The following TTBK2 variants were observed in gnomAD, a reference collection of about 807,000 sequenced individuals.
TTBK2 encodes tau tubulin kinase 2.
In TTBK2, 28 loss-of-function variants were observed where a neutral mutation model predicts 110.8. That is an observed-to-expected ratio of 0.25 (90% CI 0.19 to 0.35). TTBK2 has a LOEUF of 0.35. Ranked by LOEUF, TTBK2 falls within the 10% of genes least tolerant of loss-of-function variation. The pLI is 1.00. For synonymous variants in TTBK2, 532 were observed against 527.3 expected, an observed-to-expected ratio of 1.01 and a Z score of -0.12; for missense variants, 1,369 against 1,500.3, an observed-to-expected ratio of 0.91 and a Z score of 1.45.
At chr15:42,812,874 C>G (rs1891782645) in intron 7 of TTBK2, among the ~76,000 whole-genome samples, 1 of 149,788 alleles carries the variant, frequency 6.7e-6, no homozygotes, top group Non-Finnish European at 1.5e-5. Flanking sequence ...TAAAAGCTGA[C>G]CAAACACAGC....
intron 3 of TTBK2, among the ~76,000 whole-genome samples, chr15:42,841,591 C>T (rs991512962): frequency 2.6e-5 from 4 of 151,944 alleles, no homozygotes; most frequent in Admixed American, 1.3e-4. Context: ...TGAGAAGTAT[C>T]GAAAAGATTT....
chr15:42,797,658 TA>T (rs1891003111), intron 9 of TTBK2, among the ~76,000 whole-genome samples: 1 of 152,216 alleles, frequency 6.6e-6, no homozygotes, highest in South Asian at 2.1e-4. Flanking sequence ...CTTTTTTTGG[TA>T]ACTGAATGTG....
intron 7 of TTBK2, among the ~76,000 whole-genome samples, chr15:42,813,545 T>G (rs61682243): frequency 0.045 from 6,758 of 150,438 alleles, 432 homozygotes; most frequent in African/African-American, 0.13. Context: ...AAATAAAACT[T>G]TAAAAAGGAC....
intron 9 of TTBK2, among the ~76,000 whole-genome samples, chr15:42,807,072 A>T (rs1891500082): frequency 6.6e-6 from 1 of 152,172 alleles, no homozygotes; most frequent in South Asian, 2.1e-4. Context: ...GAGTCAGAGG[A>T]TCCTACAACT....
intron 12 of TTBK2, among the ~76,000 whole-genome samples, 198 bp from the exon 13 acceptor site, chr15:42,775,921 T>G (rs1219477791): frequency 6.6e-6 from 1 of 152,208 alleles, no homozygotes; most frequent in Non-Finnish European, 1.5e-5. Context: ...CTCAGTTCTT[T>G]CCTCAGCAAG....
At chr15:42,867,504 A>G (rs1175635787) in intron 3 of TTBK2, among the ~76,000 whole-genome samples, 1 of 152,136 alleles carries the variant, frequency 6.6e-6, no homozygotes, top group Non-Finnish European at 1.5e-5. Context: ...AAAACAAATA[A>G]CCTGATTTTA....
At chr15:42,823,034 T>C (rs994721769) in intron 6 of TTBK2, among the ~76,000 whole-genome samples, 16 of 152,256 alleles carry the variant, frequency 1.1e-4, no homozygotes, top group Middle Eastern at 6.8e-3. Context: ...ATACAACTAC[T>C]CCCAATGGAA....
chr15:42,898,911 T>C (rs1372450621), intron 1 of TTBK2, among the ~76,000 whole-genome samples: 6 of 152,340 alleles, frequency 3.9e-5, no homozygotes, highest in African/African-American at 7.2e-5. Context: ...TAACAACTTG[T>C]ATATAACCAT....
intron 12 of TTBK2, among the ~76,000 whole-genome samples, chr15:42,775,973 T>C (rs1270890373): frequency 1.3e-5 from 2 of 152,202 alleles, no homozygotes; most frequent in African/African-American, 4.8e-5. Flanking sequence ...AACTTTTTAT[T>C]GAACTGAGCT....
chr15:42,790,636 C>T (rs1039237186), intron 10 of TTBK2, among the ~76,000 whole-genome samples: 1 of 151,876 alleles, frequency 6.6e-6, no homozygotes, highest in Admixed American at 6.6e-5. Context: ...AGAAGTTTTG[C>T]CTTTTTGTTC....
At chr15:42,816,085 A>ATATAT (rs1567040790) in intron 7 of TTBK2, among the ~76,000 whole-genome samples, 1,382 of 67,308 alleles carry the variant, frequency 0.021, 48 homozygotes, top group African/African-American at 0.027. Context: ...TAAATAAATA[A>ATATAT]ATATATATAT....
chr15:42,788,340 G>C (rs1170025348), intron 10 of TTBK2, among the ~76,000 whole-genome samples: 2 of 151,968 alleles, frequency 1.3e-5, no homozygotes, highest in African/African-American at 4.8e-5. Context: ...ATGTTCCAGG[G>C]GCCCCTGGGC....
At chr15:42,884,546 G>A (rs576599892) in intron 1 of TTBK2, among the ~76,000 whole-genome samples, 32 of 152,144 alleles carry the variant, frequency 2.1e-4, no homozygotes, top group Non-Finnish European at 3.4e-4. Flanking sequence ...TTAATGAGGT[G>A]ACTTTAGGAA....
At chr15:42,852,133 G>A (rs1893744711) in intron 3 of TTBK2, among the ~76,000 whole-genome samples, 4 of 150,996 alleles carry the variant, frequency 2.6e-5, no homozygotes, top group South Asian at 2.1e-4. Context: ...GCAGTCACGC[G>A]ATCTCGGCTC....
chr15:42,899,462 C>T (rs955370987), intron 1 of TTBK2, among the ~76,000 whole-genome samples: 33 of 151,478 alleles, frequency 2.2e-4, no homozygotes, highest in African/African-American at 7.5e-4. Flanking sequence ...CAGGTGTGGC[C>T]GGGCACGGTG....
chr15:42,878,709 G>A (rs990397225), intron 1 of TTBK2, 25 bp from the exon 2 acceptor site: 2 of 1,605,568 alleles, frequency 1.2e-6, no homozygotes, highest in Non-Finnish European at 1.7e-6. Context: ...ACAAAAAATA[G>A]TAGCAGTATT....
chr15:42,816,871 A>AG (rs1465536727), intron 7 of TTBK2, among the ~76,000 whole-genome samples, 161 bp downstream of exon 7: 2 of 151,906 alleles, frequency 1.3e-5, no homozygotes, highest in Admixed American at 6.6e-5. Context: ...GTGAGCCAAG[A>AG]TCGGGCCACT....
At chr15:42,855,406 T>C (rs891125320) in intron 3 of TTBK2, among the ~76,000 whole-genome samples, 1 of 152,170 alleles carries the variant, frequency 6.6e-6, no homozygotes, top group Admixed American at 6.5e-5. Flanking sequence ...CTCCTGATTC[T>C]GAATATGGCA....
intron 1 of TTBK2, among the ~76,000 whole-genome samples, chr15:42,905,919 TG>T (rs1567088250): frequency 2.0e-5 from 3 of 152,216 alleles, no homozygotes; most frequent in African/African-American, 7.2e-5. Flanking sequence ...CCGGGCATGG[TG>T]GCTCACACCT....
Sources: gnomAD v4.1 joint callset for allele counts (sites outside exome capture counted in the v4.1 genomes callset) on GRCh38, gnomAD v4.1.1 for gene constraint, MANE v1.5 for transcripts, NCBI Gene and HGNC (gene_info 2026-07-23, HGNC 2026-07-21) for gene names.